Variants in GALNT8 observed in about 807,000 individuals in gnomAD.
GALNT8 encodes probable polypeptide N-acetylgalactosaminyltransferase 8.
GALNT8 carries 66 observed loss-of-function variants against 62.7 expected under a neutral mutation model. The ratio of observed to expected loss-of-function variants is 1.05; its 90% CI spans 0.86 to 1.29. The LOEUF (loss-of-function observed/expected upper bound fraction) is 1.29. Among genes scored for constraint, GALNT8 ranks in the 50% most tolerant of loss-of-function variants. GALNT8 has a pLI of 0.00. For synonymous variants in GALNT8, 288 were observed against 294.3 expected, an observed-to-expected ratio of 0.98 and a Z score of 0.22; for missense variants, 771 against 791.8, an observed-to-expected ratio of 0.97 and a Z score of 0.32.
intron 5 of GALNT8, among the ~76,000 whole-genome samples, chr12:4,745,890 A>G (rs1043263349): frequency 5.9e-5 from 9 of 152,232 alleles, no homozygotes; most frequent in African/African-American, 2.2e-4. Context: ...GGCCATTTCA[A>G]GCTTTAGCAG....
chr12:4,759,533 A>T (rs1423095876), intron 6 of GALNT8, among the ~76,000 whole-genome samples: 1 of 151,282 alleles, frequency 6.6e-6, no homozygotes, highest in African/African-American at 2.4e-5. Flanking sequence ...GTCTGATTTC[A>T]AAGCCTTGCT....
At chr12:4,755,297 G>T (rs1193437077) in intron 6 of GALNT8, among the ~76,000 whole-genome samples, 1 of 152,174 alleles carries the variant, frequency 6.6e-6, no homozygotes, top group Admixed American at 6.5e-5. Flanking sequence ...TTTCCCTCTG[G>T]CTGGGGCTGG....
intron 5 of GALNT8, 124 bp downstream of exon 5, chr12:4,745,750 T>A: frequency 5.7e-6 from 4 of 702,004 alleles, no homozygotes; most frequent in South Asian, 1.6e-5. Context: ...GGGGATGAGG[T>A]GAAGGACAAG....
At chr12:4,745,778 C>A (rs1401253792) in intron 5 of GALNT8, 152 bp downstream of exon 5, 1 of 645,558 alleles carries the variant, frequency 1.5e-6, no homozygotes. Context: ...GGGAAAAAAC[C>A]CCAATAAGTT....
chr12:4,744,830 A>C (rs1946289685), intron 4 of GALNT8, 130 bp downstream of exon 4: 1 of 607,874 alleles, frequency 1.6e-6, no homozygotes. Context: ...GGAATCTCCA[A>C]AACAGCATGC....
At chr12:4,760,746 G>A (rs1383679906) in intron 6 of GALNT8, among the ~76,000 whole-genome samples, 2 of 152,186 alleles carry the variant, frequency 1.3e-5, no homozygotes, top group Non-Finnish European at 2.9e-5. Context: ...TGATTCAGGA[G>A]TTGTTTGAAT....
chr12:4,770,090 T>C lies in GALNT8; in HGVS notation c.1762-2355T>C, dbSNP rs113275523. Among the ~76,000 whole-genome samples the C allele has an allele frequency of 3.8e-3, 581 of 151,690 alleles. 7 individuals carry two copies. Among genetic ancestry groups the C allele is most frequent in the African/African-American group, 0.013 (528 of 41,364 alleles). ...GAGGCGGGCAGACCATGAACTGAGG[T>C]CAGGAGTTTGAGACCAGCCTGGCCA... is the stretch of plus-strand genomic sequence containing the variant. On this transcript the variant is annotated intron_variant, in intron 10 of 10. Transcript: ENST00000252318.
At chr12:4,742,612 G>T (rs907478697) in intron 3 of GALNT8, among the ~76,000 whole-genome samples, 3 of 152,160 alleles carry the variant, frequency 2.0e-5, no homozygotes, top group African/African-American at 7.2e-5. Flanking sequence ...ACGGTGTGGG[G>T]GTGTGGGGTG....
At chr12:4,722,268 G>C (rs1946174449) in intron 1 of GALNT8, among the ~76,000 whole-genome samples, 1 of 152,174 alleles carries the variant, frequency 6.6e-6, no homozygotes, top group East Asian at 1.9e-4. Context: ...CTTCCATTTT[G>C]CGGTGTGCTC....
intron 2 of GALNT8, among the ~76,000 whole-genome samples, chr12:4,734,319 T>TA (rs1446277409): frequency 6.6e-6 from 1 of 152,200 alleles, no homozygotes; most frequent in African/African-American, 2.4e-5. Flanking sequence ...ACCACCCTCT[T>TA]ACAGCATTGG....
chr12:4,739,837 T>C (rs375417205), intron 3 of GALNT8, among the ~76,000 whole-genome samples: 24 of 152,010 alleles, frequency 1.6e-4, no homozygotes, highest in Admixed American at 2.6e-4. Flanking sequence ...GCTTATTTTT[T>C]TGTATTTTTT....
chr12:4,747,316 T>C (rs187626873), intron 6 of GALNT8, among the ~76,000 whole-genome samples: 3 of 152,336 alleles, frequency 2.0e-5, no homozygotes, highest in African/African-American at 7.2e-5. Context: ...CTTATTTGTC[T>C]TATTCATTCT....
intron 2 of GALNT8, among the ~76,000 whole-genome samples, chr12:4,733,854 C>T (rs1307461251): frequency 6.6e-6 from 1 of 152,164 alleles, no homozygotes; most frequent in Non-Finnish European, 1.5e-5. Context: ...TCTGAGGCTC[C>T]AGGGCCATAT....
chr12:4,750,466 T>TCCAGGAAC (rs1946317639), intron 6 of GALNT8, among the ~76,000 whole-genome samples: 2 of 152,276 alleles, frequency 1.3e-5, no homozygotes, highest in African/African-American at 4.8e-5. Context: ...GTTCCTGAGT[T>TCCAGGAAC]AGTTTGCTAA....
chr12:4,720,809 G>C lies in GALNT8; in HGVS notation c.132G>C (p.Glu44Asp), dbSNP rs1946163218. Residue 44 changes from glutamate (E) to aspartate (D), a missense_variant, in exon 1 of 11, where the codon GAG becomes GAC. Transcript: ENST00000252318. ...TGTTTACGGGTGGTCTCCACAGGGA[G>C]CTTCCTTTACATCTGAATAAACGCT... ...QNLFTGGLHR[E>D]LPLHLNKRYG... The C allele has an allele frequency of 1.2e-6, 2 of 1,612,158 alleles. No homozygotes were observed. Among genetic ancestry groups the C allele is most frequent in the East Asian group, 4.5e-5 (2 of 44,876 alleles).
At position 4,744,662 on chromosome 12, in the gene GALNT8, C is replaced by A. The variant is rs369861619; in HGVS notation, c.822C>A (p.Val274=). Reference sequence around the variant, plus strand: ...GGGAAGCTGCCACAGCAGACGTGGTCGCCATCTTGGATGCTCACATTGAAG... The same window carrying A: ...GGGAAGCTGCCACAGCAGACGTGGTAGCCATCTTGGATGCTCACATTGAAG... ...TGWEAATADV[V]AILDAHIEVN... is the part of the protein sequence containing the mutation. Residue 274 remains valine, a synonymous_variant, in exon 4 of 11, where the codon GTC becomes GTA. Transcript: ENST00000252318. 6.2e-7 allele frequency: 1 copy of A among 1,613,086 alleles called. No homozygotes were observed.
At chr12:4,722,237 A>G (rs979313069) in intron 1 of GALNT8, among the ~76,000 whole-genome samples, 20 of 152,070 alleles carry the variant, frequency 1.3e-4, no homozygotes, top group Non-Finnish European at 2.6e-4. Context: ...AGAGGTGGCA[A>G]TCTCTGGGGC....
At chr12:4,739,050 G>T in intron 2 of GALNT8, 113 bp from the exon 3 acceptor site, 1 of 577,396 alleles carries the variant, frequency 1.7e-6, no homozygotes. Flanking sequence ...CAGTGAGTTT[G>T]AGGGGTGGAT....
intron 7 of GALNT8, among the ~76,000 whole-genome samples, chr12:4,762,315 A>T (rs942370749): frequency 6.6e-6 from 1 of 152,238 alleles, no homozygotes; most frequent in Non-Finnish European, 1.5e-5. Flanking sequence ...AAATTTTTAC[A>T]TGGGATGATC....
Sources: allele counts gnomAD v4.1 joint callset (sites outside exome capture counted in the v4.1 genomes callset), GRCh38; gene constraint gnomAD v4.1.1; transcripts MANE v1.5; gene names NCBI Gene and HGNC (gene_info 2026-07-23, HGNC 2026-07-21).